ZNF248: variants seen among roughly 807,000 people sequenced by gnomAD.
ZNF248 encodes KRAB protein domain.
ZNF248 carries 20 observed loss-of-function variants against 44.3 expected under a neutral mutation model. The ratio of observed to expected loss-of-function variants is 0.45; its 90% confidence interval spans 0.32 to 0.66. The LOEUF (loss-of-function observed/expected upper bound fraction) is 0.66. Among genes scored for constraint, ZNF248 ranks in the 30% least tolerant of loss-of-function variants. The pLI, the probability that ZNF248 is intolerant of heterozygous loss-of-function variation, is 0.04. For missense variants in ZNF248, 654 were observed against 677.0 expected (o/e 0.97, Z 0.38); for synonymous variants, 224 against 229.0 (o/e 0.98, Z 0.20).
chr10:37,779,693 G>A (rs1467208485), intron 6 of ZNF248, among the ~76,000 whole-genome samples: 2 of 151,642 alleles, frequency 1.3e-5, no homozygotes, highest in Non-Finnish European at 2.9e-5. Context: ...GAAAATAAAG[G>A]GTATTCAATT....
At chr10:37,776,065 C>T (rs147422974), downstream of ZNF248, among the ~76,000 whole-genome samples, 57 of 152,152 alleles carry the variant, frequency 3.7e-4, no homozygotes, top group East Asian at 6.4e-3. Context: ...GTAGGTAAGG[C>T]GGCACCACAT....
At chr10:37,820,137 A>G in intron 6 of ZNF248, 1 of 1,066,186 alleles carries the variant, frequency 9.4e-7, no homozygotes, top group Non-Finnish European at 1.5e-6. Context: ...CTCTTAATAA[A>G]TCATCTATTC....
At chr10:37,816,005 AAG>A (rs1554823683) in intron 6 of ZNF248, among the ~76,000 whole-genome samples, 5 of 149,346 alleles carry the variant, frequency 3.3e-5, no homozygotes, top group South Asian at 2.1e-4. Flanking sequence ...AAAAAAAAAA[AAG>A]AGAGAGAGAG....
At chr10:37,854,285 A>G (rs977620223) in intron 3 of ZNF248, among the ~76,000 whole-genome samples, 2 of 152,206 alleles carry the variant, frequency 1.3e-5, no homozygotes, top group African/African-American at 4.8e-5. Flanking sequence ...AGGGAAAAAC[A>G]CCATGAACAA....
the ZNF248 span, among the ~76,000 whole-genome samples, chr10:37,765,987 C>A: frequency 7.2e-5 from 11 of 152,250 alleles, no homozygotes; most frequent in African/African-American, 2.7e-4. Flanking sequence ...GAGGGTCCTA[C>A]GCCCACGGAG....
chr10:37,766,124 T>C, the ZNF248 span, among the ~76,000 whole-genome samples: 3 of 152,240 alleles, frequency 2.0e-5, no homozygotes, highest in Non-Finnish European at 4.4e-5. Flanking sequence ...TCGAACTGGG[T>C]GGAGCCCACC....
chr10:37,776,623 A>T (rs983618409), intron 6 of ZNF248: 1 of 397,420 alleles, frequency 2.5e-6, no homozygotes, highest in African/African-American at 2.1e-5. Context: ...CAGGGTTCCA[A>T]ATCTCAAAGA....
rs1324951529 is a variant in ZNF248 at position 37,820,369 on chromosome 10, G to A, written c.330+12656C>T. On this transcript the variant is annotated intron_variant, in intron 6 of 6. Coordinates refer to the ZNF248 transcript ENST00000615949. ...CTTTGTGCCAGCTGCTCTGGGTCAA[G>A]CCGAGGTTTTGTTAGCATTGCTGAC... 2.8e-6 allele frequency: 4 copies of A among 1,448,134 alleles called. No homozygotes were observed. In the African/African-American group the frequency reaches 4.2e-5, roughly 15 times the overall value. The allele number at this position is 1,448,134 out of a possible 1,614,324, so 89.7% of individuals were successfully genotyped here. A position where few individuals can be genotyped will look rare whatever the true frequency, so the allele number is the denominator to read the frequency against.
At chr10:37,814,950 T>A (rs1248556375) in intron 6 of ZNF248, among the ~76,000 whole-genome samples, 1 of 152,230 alleles carries the variant, frequency 6.6e-6, no homozygotes, top group African/African-American at 2.4e-5. Context: ...TTTTAAAATG[T>A]TTCACCAATT....
chr10:37,782,225 A>T (rs2047399069), intron 6 of ZNF248, among the ~76,000 whole-genome samples: 1 of 152,274 alleles, frequency 6.6e-6, no homozygotes, highest in Non-Finnish European at 1.5e-5. Flanking sequence ...TGTATTTTGG[A>T]AACAGATTGT....
At chr10:37,820,111 G>A in intron 6 of ZNF248, 1 of 942,956 alleles carries the variant, frequency 1.1e-6, no homozygotes, top group Non-Finnish European at 1.8e-6. Context: ...AATCTGCTGT[G>A]TCAAATCACA....
chr10:37,765,799 C>G, the ZNF248 span, among the ~76,000 whole-genome samples: 9,114 of 152,304 alleles, frequency 0.06, 352 homozygotes, highest in Middle Eastern at 0.095. Context: ...TGAGCTGAAG[C>G]AGGGCGAGGC....
intron 6 of ZNF248, chr10:37,819,133 C>T: frequency 2.5e-6 from 2 of 788,990 alleles, no homozygotes; most frequent in Admixed American, 1.7e-5. Flanking sequence ...AAAGAATATT[C>T]CCTGGTTTGA....
At chr10:37,799,356 C>A (rs1010445085) in intron 6 of ZNF248, among the ~76,000 whole-genome samples, 1 of 152,014 alleles carries the variant, frequency 6.6e-6, no homozygotes, top group Admixed American at 6.6e-5. Flanking sequence ...GTCAAGAGAT[C>A]GAGACCATCC....
At chr10:37,856,070 C>G (rs1590064493) in intron 3 of ZNF248, among the ~76,000 whole-genome samples, 1 of 152,152 alleles carries the variant, frequency 6.6e-6, no homozygotes, top group Non-Finnish European at 1.5e-5. Context: ...AGAATTGTTA[C>G]TAGAACAATT....
intron 6 of ZNF248, among the ~76,000 whole-genome samples, chr10:37,812,457 A>G (rs1490228642): frequency 6.6e-6 from 1 of 152,180 alleles, no homozygotes; most frequent in East Asian, 1.9e-4. Context: ...TTTATCTATA[A>G]AACTGCTAAC....
At chr10:37,796,842 T>C (rs1158323811) in intron 6 of ZNF248, among the ~76,000 whole-genome samples, 3 of 152,078 alleles carry the variant, frequency 2.0e-5, no homozygotes, top group African/African-American at 7.2e-5. Context: ...ATCAATCAAT[T>C]AGAATATCAG....
chr10:37,764,902 T>C, the ZNF248 span, among the ~76,000 whole-genome samples: 2 of 152,104 alleles, frequency 1.3e-5, no homozygotes, highest in Non-Finnish European at 2.9e-5. Context: ...CAATATATTA[T>C]ATGCATGAAT....
At chr10:37,799,565 A>G (rs973288053) in intron 6 of ZNF248, among the ~76,000 whole-genome samples, 10 of 152,186 alleles carry the variant, frequency 6.6e-5, no homozygotes, top group Admixed American at 3.9e-4. Context: ...CTCCAAAAAA[A>G]GAAAAATTCC....
Sources: gnomAD v4.1 joint callset for allele counts (sites outside exome capture counted in the v4.1 genomes callset) on GRCh38, gnomAD v4.1.1 for gene constraint, MANE v1.5 for transcripts, NCBI Gene and HGNC (gene_info 2026-07-23, HGNC 2026-07-21) for gene names.